Variants in RPS6KC1 observed in about 807,000 individuals in gnomAD.
The protein encoded by RPS6KC1 is inactive ribosomal protein S6 kinase delta-1.
In RPS6KC1, 54 loss-of-function variants were observed where a neutral mutation model predicts 103.8. The ratio of observed to expected loss-of-function variants is 0.52; its 90% CI spans 0.42 to 0.65. The LOEUF (loss-of-function observed/expected upper bound fraction) is 0.65, where lower values mean the gene tolerates loss of function less well. RPS6KC1 is among the 30% of genes least tolerant of loss of function. The probability of loss-of-function intolerance (pLI) is 0.00; values close to 1 mark genes in which losing one functional copy is unlikely to be tolerated. For missense variants in RPS6KC1, 1,151 were observed against 1,253.8 expected (o/e 0.92, Z 1.24); for synonymous variants, 439 against 438.7 (o/e 1.00, Z -0.01).
At chr1:213,622,515 C>T in the RPS6KC1 span, among the ~76,000 whole-genome samples, 1 of 152,084 alleles carries the variant, frequency 6.6e-6, no homozygotes, top group Non-Finnish European at 1.5e-5. Flanking sequence ...TCAGTGTCTC[C>T]CTCCATCCCT....
chr1:213,141,638 T>G (rs2087045355), intron 6 of RPS6KC1, among the ~76,000 whole-genome samples: 1 of 152,030 alleles, frequency 6.6e-6, no homozygotes. Flanking sequence ...AGTTCTGCTC[T>G]GATTTTGGTT....
At chr1:213,838,354 A>G in the RPS6KC1 span, among the ~76,000 whole-genome samples, 1 of 152,218 alleles carries the variant, frequency 6.6e-6, no homozygotes, top group African/African-American at 2.4e-5. Flanking sequence ...GCAGAAGCCA[A>G]CTGGAAGTTT....
At chr1:213,237,499 A>G (rs184633892) in intron 10 of RPS6KC1, among the ~76,000 whole-genome samples, 249 of 152,214 alleles carry the variant, frequency 1.6e-3, no homozygotes, top group African/African-American at 5.9e-3. Context: ...AAATACATGT[A>G]TAAACATGTA....
chr1:213,201,618 C>T (rs1388365269), intron 8 of RPS6KC1, among the ~76,000 whole-genome samples: 1 of 152,196 alleles, frequency 6.6e-6, no homozygotes, highest in Non-Finnish European at 1.5e-5. Context: ...GTAGGTTCAT[C>T]AGTTGCAACA....
At chr1:213,477,615 A>G in the RPS6KC1 span, among the ~76,000 whole-genome samples, 14 of 152,208 alleles carry the variant, frequency 9.2e-5, no homozygotes, top group Non-Finnish European at 4.4e-5. Flanking sequence ...ATTTTATATG[A>G]AAGTGAAAAA....
At chr1:213,062,629 T>A (rs111803912) in intron 1 of RPS6KC1, among the ~76,000 whole-genome samples, 5,171 of 151,938 alleles carry the variant, frequency 0.034, 120 homozygotes, top group Middle Eastern at 0.055. Flanking sequence ...CGATCTTGGC[T>A]CTCTGCAACC....
chr1:213,695,830 C>T, the RPS6KC1 span, among the ~76,000 whole-genome samples: 1 of 152,178 alleles, frequency 6.6e-6, no homozygotes, highest in Non-Finnish European at 1.5e-5. Context: ...GCAAAAAATA[C>T]ACAAACAGAT....
the RPS6KC1 span, among the ~76,000 whole-genome samples, chr1:213,576,616 T>C: frequency 1.1e-4 from 16 of 152,206 alleles, no homozygotes; most frequent in Non-Finnish European, 2.2e-4. Flanking sequence ...GTTTGTGTTC[T>C]GACTGCTCCT....
chr1:213,528,928 G>C, the RPS6KC1 span, among the ~76,000 whole-genome samples: 1 of 152,126 alleles, frequency 6.6e-6, no homozygotes, highest in South Asian at 2.1e-4. Context: ...TCTGAATCAG[G>C]GTAGGAATCA....
the RPS6KC1 span, among the ~76,000 whole-genome samples, chr1:213,397,144 A>G: frequency 6.6e-6 from 1 of 152,224 alleles, no homozygotes; most frequent in South Asian, 2.1e-4. Context: ...CTTATGGTAC[A>G]GCAGGTTCCC....
intron 6 of RPS6KC1, among the ~76,000 whole-genome samples, chr1:213,164,606 A>AGT (rs2090787440): frequency 6.6e-6 from 1 of 152,154 alleles, no homozygotes; most frequent in African/African-American, 2.4e-5. Context: ...GTTGGAGTGC[A>AGT]GTGGTTCATG....
At chr1:213,504,336 T>C in the RPS6KC1 span, among the ~76,000 whole-genome samples, 1 of 151,010 alleles carries the variant, frequency 6.6e-6, no homozygotes, top group Non-Finnish European at 1.5e-5. Context: ...ATCCTTACAA[T>C]TTTTTTTAAC....
chr1:213,397,313 C>CT, the RPS6KC1 span, among the ~76,000 whole-genome samples: 4 of 152,016 alleles, frequency 2.6e-5, no homozygotes, highest in African/African-American at 9.7e-5. Flanking sequence ...ATTCTGCTTT[C>CT]TTTTTTAAAA....
At chr1:213,510,924 T>C in the RPS6KC1 span, among the ~76,000 whole-genome samples, 1 of 152,040 alleles carries the variant, frequency 6.6e-6, no homozygotes, top group Non-Finnish European at 1.5e-5. Context: ...ATTGAGCCAA[T>C]ATTGACTGAG....
At chr1:213,603,811 G>A in the RPS6KC1 span, among the ~76,000 whole-genome samples, 1 of 152,118 alleles carries the variant, frequency 6.6e-6, no homozygotes, top group South Asian at 2.1e-4. Flanking sequence ...AGTGAACTGA[G>A]ATTGCCCCAC....
At chr1:213,266,944 A>C (rs2094926751) in intron 14 of RPS6KC1, among the ~76,000 whole-genome samples, 1 of 135,120 alleles carries the variant, frequency 7.4e-6, no homozygotes, top group African/African-American at 2.6e-5. Context: ...ACAAACAAAC[A>C]AAAAACAGCC....
chr1:213,296,813 T>C, the RPS6KC1 span, among the ~76,000 whole-genome samples: 2 of 152,322 alleles, frequency 1.3e-5, no homozygotes, highest in South Asian at 4.1e-4. Context: ...CAGACAGTTA[T>C]GGACTAAGGT....
intron 3 of RPS6KC1, among the ~76,000 whole-genome samples, chr1:213,079,816 C>T (rs925162241): frequency 3.9e-5 from 6 of 151,990 alleles, no homozygotes; most frequent in African/African-American, 1.5e-4. Context: ...TGCTCCTTCC[C>T]TCCACCTACT....
rs1332270490 is a variant in RPS6KC1, at chr1:213,205,485, G to T, written c.1045-25012G>T. The T allele has an allele frequency of 1.3e-5, 5 of 391,108 alleles. No individual in the cohort carries two copies. In the Admixed American group the frequency reaches 2.2e-4, roughly 17 times the overall value. 24.2% of individuals were successfully genotyped at this position (391,108 alleles called of 1,614,324 possible). ...AGAACGACCAAGAACCTAAGGAATA[G>T]TTACTTATACCACCAGATTATGCAG... On this transcript the variant is annotated intron_variant, in intron 8 of 14. Transcript: ENST00000366960.
Sources: gnomAD v4.1 joint callset for allele counts (sites outside exome capture counted in the v4.1 genomes callset) on GRCh38, gnomAD v4.1.1 for gene constraint, MANE v1.5 for transcripts, NCBI Gene and HGNC (gene_info 2026-07-23, HGNC 2026-07-21) for gene names.